LANCL1: variants seen among roughly 807,000 people sequenced by gnomAD.
The protein encoded by LANCL1 is LanC like glutathione S-transferase 1.
A neutral mutation model predicts 50.6 loss-of-function variants in LANCL1; 50 were observed. The observed-to-expected ratio is 0.99, with a 90% CI of 0.79 to 1.25. The LOEUF is 1.25. LANCL1 is among the 50% of genes most tolerant of loss of function. The pLI is 0.00. For synonymous variants in LANCL1, 188 were observed against 178.6 expected (o/e 1.05, Z -0.42); for missense variants, 532 against 480.7 (o/e 1.11, Z -1.00).
At chr2:210,469,698 C>CA (rs377207935) in intron 3 of LANCL1, among the ~76,000 whole-genome samples, 96 of 152,090 alleles carry the variant, frequency 6.3e-4, no homozygotes, top group African/African-American at 2.3e-3. Flanking sequence ...CCTGTACAGC[C>CA]AAAAAAATTA....
chr2:210,436,504 A>G (rs1488508850), intron 7 of LANCL1, 112 bp from the exon 8 acceptor site: 6 of 1,019,072 alleles, frequency 5.9e-6, no homozygotes, highest in Non-Finnish European at 8.8e-6. Flanking sequence ...AAGAAAGGGT[A>G]AAGGATTTAG....
chr2:210,440,474 G>A (rs1275897527), intron 6 of LANCL1, 124 bp downstream of exon 6: 1 of 872,442 alleles, frequency 1.1e-6, no homozygotes, highest in African/African-American at 1.7e-5. Context: ...GTAATTACAA[G>A]GAGAGTACTG....
At chr2:210,476,283 G>A (rs1483643180) in intron 2 of LANCL1, 33 bp downstream of exon 2, 2 of 1,515,698 alleles carry the variant, frequency 1.3e-6, no homozygotes, top group Admixed American at 1.7e-5. Flanking sequence ...GTGGGGAGAG[G>A]CAGGGATGCA....
At chr2:210,445,603 T>C (rs899856299) in intron 4 of LANCL1, among the ~76,000 whole-genome samples, 2 of 152,224 alleles carry the variant, frequency 1.3e-5, no homozygotes, top group African/African-American at 4.8e-5. Flanking sequence ...AAATAAAATA[T>C]TTATATTAAG....
chr2:210,463,769 AAT>A (rs1693951545), intron 3 of LANCL1, among the ~76,000 whole-genome samples: 2 of 152,212 alleles, frequency 1.3e-5, no homozygotes, highest in Admixed American at 1.3e-4. Context: ...CTCTTTAGAC[AAT>A]ATGGGACAGC....
chr2:210,438,233 C>T (rs1693007000), intron 6 of LANCL1, among the ~76,000 whole-genome samples: 1 of 149,552 alleles, frequency 6.7e-6, no homozygotes. Context: ...CTCCCGGGTT[C>T]AAGTGATTGT....
At chr2:210,466,283 A>AT in intron 3 of LANCL1, among the ~76,000 whole-genome samples, 1 of 152,328 alleles carries the variant, frequency 6.6e-6, no homozygotes, top group African/African-American at 2.4e-5. Flanking sequence ...TCAGGGGGTC[A>AT]TAAGGACCTC....
intron 4 of LANCL1, among the ~76,000 whole-genome samples, chr2:210,447,762 C>T (rs1378607216): frequency 6.6e-6 from 1 of 151,982 alleles, no homozygotes; most frequent in Admixed American, 6.6e-5. Flanking sequence ...ACAAAGAAGG[C>T]CATTACATAA....
intron 3 of LANCL1, among the ~76,000 whole-genome samples, chr2:210,469,936 T>C (rs1694175297): frequency 6.6e-6 from 1 of 151,904 alleles, no homozygotes; most frequent in African/African-American, 2.4e-5. Context: ...GTTTAAGTCA[T>C]TCTTTTGTAA....
intron 3 of LANCL1, chr2:210,471,738 A>C (rs2105928121): frequency 1.4e-6 from 1 of 738,144 alleles, no homozygotes; most frequent in Non-Finnish European, 2.5e-6. Context: ...GGCATGAATT[A>C]CATGAATATG....
intron 1 of LANCL1, 99 bp downstream of exon 1, chr2:210,476,521 C>G (rs1037663605): frequency 1.1e-5 from 16 of 1,407,356 alleles, no homozygotes; most frequent in Non-Finnish European, 1.5e-5. Flanking sequence ...CCAGGGCCAT[C>G]GAGCCGTCTC....
intron 3 of LANCL1, chr2:210,468,979 G>A (rs1694149840): frequency 6.6e-6 from 1 of 152,106 alleles, no homozygotes; most frequent in African/African-American, 2.4e-5. Flanking sequence ...CAGCCCATAC[G>A]TATACTGGAG....
In LANCL1 at chr2:210,437,818, C is replaced by G. The variant is rs1435298906; in HGVS notation, c.745G>C (p.Asp249His). Residue 249 changes from aspartate to histidine, a missense_variant, in exon 7 of 10, where the codon GAC (aspartate) becomes CAC (histidine). Physicochemically the swap from Asp to His is moderately conservative, Grantham distance 81 (BLOSUM62 -1). Coordinates refer to ENST00000450366, the MANE Select transcript of LANCL1 (RefSeq NM_006055.3). ...KLHSLVKPSVDYVCQLKFPSG... is the reference protein window; with the variant it reads ...KLHSLVKPSVHYVCQLKFPSG... Reference sequence around the variant, plus strand: ...GGGAATTTCAGCTGGCAGACGTAGTCTACACTGGGCTTGACCAAACTATGT... The same window carrying G: ...GGGAATTTCAGCTGGCAGACGTAGTGTACACTGGGCTTGACCAAACTATGT... 5 of 1,612,924 alleles carry G rather than the reference C, an allele frequency of 3.1e-6. No homozygotes were observed. Among genetic ancestry groups the G allele is most frequent in the Non-Finnish European group, 4.2e-6 (5 of 1,179,598 alleles).
At chr2:210,441,583 C>T in intron 4 of LANCL1, 140 bp from the exon 5 acceptor site, 1 of 610,146 alleles carries the variant, frequency 1.6e-6, no homozygotes, top group Non-Finnish European at 2.7e-6. Flanking sequence ...ATAGAACAGT[C>T]ACGGTTCACA....
At chr2:210,441,699 G>C (rs1693142686) in intron 4 of LANCL1, among the ~76,000 whole-genome samples, 1 of 152,090 alleles carries the variant, frequency 6.6e-6, no homozygotes, top group Non-Finnish European at 1.5e-5. Context: ...AATCTCCCTA[G>C]TTCCTCATGG....
At position 210,431,705 on chromosome 2, in the gene LANCL1, T is replaced by C. The variant is rs1692751233; in HGVS notation, c.*2782A>G. The C allele has an allele frequency of 6.6e-6, 1 of 152,136 alleles. No individual in the cohort carries two copies. Among genetic ancestry groups the C allele is most frequent in the Non-Finnish European group, 1.5e-5 (1 of 68,016 alleles). The allele number at this position is 152,136 out of a possible 1,614,324, so 9.4% of individuals were successfully genotyped here. A position where few individuals can be genotyped will look rare whatever the true frequency, so the allele number is the denominator to read the frequency against. On this transcript the variant is annotated 3_prime_UTR_variant, in exon 10 of 10. Transcript: ENST00000450366. ...AAAGAAAGTAACCCTAGATCCACTT[T>C]TACCTAAAACTCTACCTACCATGAA...
intron 3 of LANCL1, among the ~76,000 whole-genome samples, chr2:210,461,082 G>T (rs10932333): frequency 0.95 from 144,367 of 152,216 alleles, 68,489 homozygotes; most frequent in East Asian, 1. Flanking sequence ...CAAGCCTTCT[G>T]GGTGTTGGCT....
intron 3 of LANCL1, among the ~76,000 whole-genome samples, chr2:210,462,674 C>G (rs1312075294): frequency 6.6e-6 from 1 of 152,244 alleles, no homozygotes; most frequent in African/African-American, 2.4e-5. Flanking sequence ...GGAAAAACAC[C>G]TTCTATAGAA....
Position 210,476,694 on chromosome 2 carries a change from G to T in LANCL1, c.-91C>A. 8.4e-7 allele frequency: 1 copy of T among 1,195,576 alleles called. No homozygotes were observed. Among genetic ancestry groups the T allele is most frequent in the Non-Finnish European group, 1.0e-6 (1 of 959,676 alleles). 74.1% of individuals were successfully genotyped at this position (1,195,576 alleles called of 1,614,324 possible). A position where few individuals can be genotyped will look rare whatever the true frequency, so the allele number is the denominator to read the frequency against. ...GAAGCAAGTGCGCCTCCCGCGTCCT[G>T]AAGCCCTTCTCGGCCCTGGCCTCTC... is the stretch of plus-strand genomic sequence containing the variant. On this transcript the variant is annotated 5_prime_UTR_variant, in exon 1 of 10. Coordinates refer to ENST00000450366, the MANE Select transcript of LANCL1 (RefSeq NM_006055.3).
Sources: gnomAD v4.1 joint callset for allele counts (sites outside exome capture counted in the v4.1 genomes callset) on GRCh38, gnomAD v4.1.1 for gene constraint, MANE v1.5 for transcripts, NCBI Gene and HGNC (gene_info 2026-07-23, HGNC 2026-07-21) for gene names.